Variants in PLAGL1 observed in about 807,000 individuals in gnomAD.
PLAGL1 encodes the protein PLAG1 like zinc finger 1.
PLAGL1 carries 1 observed loss-of-function variant against 4.6 expected under a neutral mutation model. The ratio of observed to expected loss-of-function variants is 0.22; its 90% confidence interval spans 0.08 to 1.03. The LOEUF (loss-of-function observed/expected upper bound fraction) is 1.03, where lower values mean the gene tolerates loss of function less well. Among genes scored for constraint, PLAGL1 ranks in the 50% least tolerant of loss-of-function variants. The probability of loss-of-function intolerance (pLI) is 0.58; values close to 1 mark genes in which losing one functional copy is unlikely to be tolerated. For synonymous variants in PLAGL1, 240 were observed against 237.8 expected (o/e 1.01, Z -0.08); for missense variants, 464 against 570.4 (o/e 0.81, Z 1.90).
Position 143,948,519 on chromosome 6 carries a change from T to C in PLAGL1, c.-324-59A>G, listed in dbSNP as rs1780296248. ...AGCCATTTGAAAACAATGCTTTTCCTCCCTGACCGCTTCAGAATCAACTAC... is the reference window on the plus strand; with the variant it reads ...AGCCATTTGAAAACAATGCTTTTCCCCCCTGACCGCTTCAGAATCAACTAC... On this transcript the variant is annotated intron_variant, in intron 6 of 7. Transcript: ENST00000674357. The surrounding 1 kb of genome is among the most constrained non-coding windows in gnomAD (Gnocchi z 6.0). 5.3e-6 allele frequency: 1 copy of C among 189,864 alleles called. No individual in the cohort carries two copies. The highest frequency in any genetic ancestry group is 1.1e-4 in the South Asian group (1 of 8,964). The allele number at this position is 189,864 out of a possible 1,614,324, so 11.8% of individuals were successfully genotyped here.
chr6:143,962,811 T>G lies in PLAGL1; in HGVS notation c.-399+1976A>C, dbSNP rs1235569220. Among the ~76,000 whole-genome samples the G allele has an allele frequency of 6.6e-6, 1 of 152,206 alleles. No individual in the cohort carries two copies. Among genetic ancestry groups the G allele is most frequent in the Non-Finnish European group, 1.5e-5 (1 of 68,040 alleles). On this transcript the variant is annotated intron_variant, in intron 5 of 7. Coordinates refer to ENST00000674357, the MANE Select transcript of PLAGL1 (RefSeq NM_001317162.2). The surrounding 1 kb of genome is among the most constrained non-coding windows in gnomAD (Gnocchi z 5.3). ...ACTTTTTTATTTCTAATGATTTGAG[T>G]GGGAAAGAATTGGGCAACCCTCAAA...
rs779976077 is a variant in PLAGL1, at chr6:143,968,337, T to C, written c.-472+570A>G. 2 of 152,184 alleles carry C rather than the reference T, an allele frequency of 1.3e-5. No homozygotes were observed. Among genetic ancestry groups the C allele is most frequent in the Non-Finnish European group, 2.9e-5 (2 of 68,038 alleles). 9.4% of individuals were successfully genotyped at this position (152,184 alleles called of 1,614,324 possible). On this transcript the variant is annotated intron_variant, in intron 3 of 7. Coordinates refer to ENST00000674357, the MANE Select transcript of PLAGL1 (RefSeq NM_001317162.2). This position sits in a 1 kb window ranked among gnomAD's most constrained non-coding sequence, Gnocchi z 6.3. ...TGAGTGACATAACCTATTTCACAAC[T>C]CTAGAAAATTTGGCAAGCTGAGAAT...
chr6:143,980,578 A>G (rs1365443260), intron 2 of PLAGL1, among the ~76,000 whole-genome samples: 1 of 152,000 alleles, frequency 6.6e-6, no homozygotes, highest in East Asian at 1.9e-4. Flanking sequence ...TTCCACTACC[A>G]TCTTGAGTAT....
chr6:144,060,410 G>C (rs564915823), intron 1 of PLAGL1, among the ~76,000 whole-genome samples: 5 of 152,232 alleles, frequency 3.3e-5, no homozygotes, highest in African/African-American at 1.2e-4. Flanking sequence ...TGCTCCCCAG[G>C]TTAAATGTTG....
upstream of PLAGL1, among the ~76,000 whole-genome samples, chr6:144,010,572 A>G (rs143745529): frequency 9.8e-5 from 15 of 152,320 alleles, no homozygotes; most frequent in African/African-American, 2.9e-4. The surrounding 1 kb of genome is among the most constrained non-coding windows in gnomAD (Gnocchi z 4.1). Flanking sequence ...TCAAGCTACC[A>G]TTGACTTTCT....
intron 1 of PLAGL1, among the ~76,000 whole-genome samples, chr6:144,052,698 G>C (rs1305701289): frequency 6.6e-6 from 1 of 152,082 alleles, no homozygotes; most frequent in African/African-American, 2.4e-5. Context: ...TGCTGATTAA[G>C]CACTTTTCTC....
chr6:144,051,847 C>T (rs771380349), intron 1 of PLAGL1, among the ~76,000 whole-genome samples: 12 of 152,158 alleles, frequency 7.9e-5, no homozygotes, highest in Non-Finnish European at 1.6e-4. Flanking sequence ...GAAAGACCCT[C>T]CCCCATAATT....
rs989859910 is a variant in PLAGL1, at chr6:143,972,958, G to A, written c.-543-3980C>T. On this transcript the variant is annotated intron_variant, in intron 2 of 7. Coordinates refer to ENST00000674357, the MANE Select transcript of PLAGL1 (RefSeq NM_001317162.2). The surrounding 1 kb of genome is among the most constrained non-coding windows in gnomAD (Gnocchi z 6.8). ...AACCTCCATTGTTCATTACACACTA[G>A]CCCCAAACTTGAGTAATTCTAATGT... Among the ~76,000 whole-genome samples, 1 of 152,128 alleles carries A rather than the reference G, an allele frequency of 6.6e-6. No homozygotes were observed. Among genetic ancestry groups the A allele is most frequent in the African/African-American group, 2.4e-5 (1 of 41,418 alleles).
chr6:144,048,416 G>C lies in PLAGL1; in HGVS notation c.-151+16052C>G, dbSNP rs1240193670. The stretch of plus-strand genomic sequence containing the variant: ...ACGCTAGCAGAGGTTCTCCATGAGA[G>C]CTCCACCCCTGCAGGAGACTTCTGC... On this transcript the variant is annotated intron_variant, in intron 1 of 3. Coordinates refer to the PLAGL1 transcript ENST00000437412. This position sits in a 1 kb window ranked among gnomAD's most constrained non-coding sequence, Gnocchi z 4.8. Among the ~76,000 whole-genome samples, 1 of 152,222 alleles carries C rather than the reference G, an allele frequency of 6.6e-6. No individual in the cohort carries two copies. Among genetic ancestry groups the C allele is most frequent in the Non-Finnish European group, 1.5e-5 (1 of 68,036 alleles).
chr6:143,949,962 C>G lies in PLAGL1; in HGVS notation c.-324-1502G>C, dbSNP rs140203934. On this transcript the variant is annotated intron_variant, in intron 6 of 7. Transcript: ENST00000674357. The surrounding 1 kb of genome is among the most constrained non-coding windows in gnomAD (Gnocchi z 5.3). ...TGTTTAAATATAGCATTATGTAGCA[C>G]ACGGACATAACCAAACACATATTCC... Among the ~76,000 whole-genome samples the G allele has an allele frequency of 1.3e-5, 2 of 152,274 alleles. No homozygotes were observed. The highest frequency in any genetic ancestry group is 3.9e-4 in the East Asian group (2 of 5,184).
intron 2 of PLAGL1, among the ~76,000 whole-genome samples, chr6:143,974,278 G>C (rs1351318031): frequency 6.6e-6 from 1 of 152,092 alleles, no homozygotes; most frequent in East Asian, 1.9e-4. Flanking sequence ...TTTCAAAATT[G>C]TGAAACCAAA....
In PLAGL1 at chr6:143,982,698, A is replaced by G. The variant is rs1314668364; in HGVS notation, c.-544+2437T>C. On this transcript the variant is annotated intron_variant, in intron 2 of 7. Transcript: ENST00000674357. This position sits in a 1 kb window ranked among gnomAD's most constrained non-coding sequence, Gnocchi z 5.3. ...TGGATTTATGGAAGGTGGGGCTGAC[A>G]GTATCTCCTGACAGCTGAATGTGTA... 6.6e-6 allele frequency among the ~76,000 whole-genome samples: 1 copy of G among 152,166 alleles called. No individual in the cohort carries two copies. The highest frequency in any genetic ancestry group is 1.5e-5 in the Non-Finnish European group (1 of 68,008).
At position 143,984,438 on chromosome 6, in the gene PLAGL1, G is replaced by A. The variant is rs556074053; in HGVS notation, c.-544+697C>T. Among the ~76,000 whole-genome samples the A allele has an allele frequency of 7.2e-5, 11 of 152,068 alleles. No homozygotes were observed. Among genetic ancestry groups the A allele is most frequent in the African/African-American group, 2.4e-4 (10 of 41,466 alleles). On this transcript the variant is annotated intron_variant, in intron 2 of 7. Transcript: ENST00000674357. This position sits in a 1 kb window ranked among gnomAD's most constrained non-coding sequence, Gnocchi z 5.5. ...CTCAGCTTTTTTCCCAAATTTAAATGACCATATGCTCATTTTCCATATAAT... is the reference window on the plus strand; with the variant it reads ...CTCAGCTTTTTTCCCAAATTTAAATAACCATATGCTCATTTTCCATATAAT...
At chr6:143,996,430 CCTTT>C (rs902316137) in intron 1 of PLAGL1, among the ~76,000 whole-genome samples, 15 of 152,238 alleles carry the variant, frequency 9.9e-5, no homozygotes, top group Non-Finnish European at 1.6e-4. Context: ...ATCCATTCTT[CCTTT>C]CTTTCTTTGT....
intron 1 of PLAGL1, among the ~76,000 whole-genome samples, chr6:144,001,984 T>A (rs1256765368): frequency 1.3e-5 from 2 of 151,994 alleles, no homozygotes; most frequent in Admixed American, 1.3e-4. Context: ...ATGGGGTGGA[T>A]CCTGAAATTA....
chr6:144,049,607 A>G (rs1435240447), intron 1 of PLAGL1, among the ~76,000 whole-genome samples: 1 of 152,160 alleles, frequency 6.6e-6, no homozygotes, highest in Non-Finnish European at 1.5e-5. Flanking sequence ...TGAAACCATC[A>G]GATCTTGTGA....
chr6:144,011,542 T>TC (rs139526684), upstream of PLAGL1, among the ~76,000 whole-genome samples: 3 of 152,142 alleles, frequency 2.0e-5, no homozygotes, highest in Non-Finnish European at 4.4e-5. This position sits in a 1 kb window ranked among gnomAD's most constrained non-coding sequence, Gnocchi z 4.3. Context: ...GATCAATTTT[T>TC]CCCCCCAGCA....
rs565994785 is a variant in PLAGL1, at chr6:143,971,604, C to G, written c.-543-2626G>C. On this transcript the variant is annotated intron_variant, in intron 2 of 7. Transcript: ENST00000674357. The surrounding 1 kb of genome is among the most constrained non-coding windows in gnomAD (Gnocchi z 4.7). ...TGTCCCAGTGTTCTGTGAAATCAGA[C>G]TAGTCAGTGCTTCAGAATCAAAATT... 2.6e-4 allele frequency among the ~76,000 whole-genome samples: 39 copies of G among 152,292 alleles called. No homozygotes were observed. Among genetic ancestry groups the G allele is most frequent in the African/African-American group, 8.7e-4 (36 of 41,568 alleles).
Position 144,005,265 on chromosome 6 carries a change from G to GA in PLAGL1, c.-584+2824dup, listed in dbSNP as rs1793924587. 6.6e-6 allele frequency: 1 copy of GA among 151,962 alleles called. No individual in the cohort carries two copies. Among genetic ancestry groups the GA allele is most frequent in the African/African-American group, 2.4e-5 (1 of 41,374 alleles). The allele number at this position is 151,962 out of a possible 1,614,324, so 9.4% of individuals were successfully genotyped here. A position where few individuals can be genotyped will look rare whatever the true frequency, so the allele number is the denominator to read the frequency against. On this transcript the variant is annotated intron_variant, in intron 1 of 7. Coordinates refer to ENST00000674357, the MANE Select transcript of PLAGL1 (RefSeq NM_001317162.2). The surrounding 1 kb of genome is among the most constrained non-coding windows in gnomAD (Gnocchi z 4.6). ...ACTTTCTACAAATCTCTTAGGGGAA[G>GA]AAAAAATATCACAATGAAAAAATCT...
Sources: allele counts gnomAD v4.1 joint callset (sites outside exome capture counted in the v4.1 genomes callset), GRCh38; gene constraint gnomAD v4.1.1; non-coding constraint Gnocchi (gnomAD v3.1); transcripts MANE v1.5; gene names NCBI Gene and HGNC (gene_info 2026-07-23, HGNC 2026-07-21).